Variants in COG6 observed in about 807,000 individuals in gnomAD.
The protein encoded by COG6 is component of oligomeric golgi complex 6, also known as conserved oligomeric Golgi complex subunit 6.
In COG6, 74 loss-of-function variants were observed where a neutral mutation model predicts 88.8. The observed-to-expected ratio is 0.83, with a 90% confidence interval of 0.69 to 1.01. COG6 has a LOEUF of 1.01. COG6 is among the 50% of genes least tolerant of loss of function. The pLI, the probability that COG6 is intolerant of heterozygous loss-of-function variation, is 0.00. For missense variants in COG6, 800 were observed against 797.9 expected (o/e 1.00, Z -0.03); for synonymous variants, 286 against 278.7 (o/e 1.03, Z -0.26).
At chr13:39,731,563 ACTT>A (rs1186530530) in intron 18 of COG6, among the ~76,000 whole-genome samples, 1 of 152,226 alleles carries the variant, frequency 6.6e-6, no homozygotes, top group East Asian at 1.9e-4. Context: ...AGTCACAGTT[ACTT>A]CCATAATAAC....
intron 11 of COG6, 70 bp from the exon 12 acceptor site, chr13:39,694,564 C>G (rs567349416): frequency 7.7e-6 from 7 of 911,458 alleles, no homozygotes; most frequent in Admixed American, 3.5e-5. Flanking sequence ...GCTATTCATA[C>G]CATATGTTAT....
intron 7 of COG6, 39 bp downstream of exon 7, chr13:39,680,084 T>C: frequency 8.4e-7 from 1 of 1,188,274 alleles, no homozygotes; most frequent in Non-Finnish European, 1.2e-6. Flanking sequence ...TTCATGAACA[T>C]TTGTAGTTGT....
intron 18 of COG6, among the ~76,000 whole-genome samples, chr13:39,767,783 A>G (rs1258359112): frequency 6.6e-6 from 1 of 152,238 alleles, no homozygotes; most frequent in African/African-American, 2.4e-5. Context: ...TGAATCTGCC[A>G]CGAAGGCAAC....
chr13:39,678,961 AAAAT>A (rs1375169681), intron 5 of COG6, among the ~76,000 whole-genome samples: 3 of 152,152 alleles, frequency 2.0e-5, no homozygotes, highest in Non-Finnish European at 4.4e-5. Context: ...TCATCAAAGA[AAAAT>A]AACACATCCG....
At chr13:39,671,788 C>A (rs1875658858) in intron 4 of COG6, among the ~76,000 whole-genome samples, 1 of 151,846 alleles carries the variant, frequency 6.6e-6, no homozygotes, top group Non-Finnish European at 1.5e-5. Flanking sequence ...TTGTACTTTA[C>A]AGTTTTATTA....
intron 18 of COG6, among the ~76,000 whole-genome samples, chr13:39,777,805 G>A (rs948566986): frequency 6.6e-6 from 1 of 152,178 alleles, no homozygotes; most frequent in African/African-American, 2.4e-5. Context: ...GGGTAGTAGG[G>A]AATGTATGTT....
intron 18 of COG6, among the ~76,000 whole-genome samples, chr13:39,747,025 C>T (rs768541872): frequency 8.6e-5 from 13 of 151,892 alleles, no homozygotes; most frequent in Non-Finnish European, 1.8e-4. Context: ...CTTAAAGTAC[C>T]TTATAAAGAT....
intron 18 of COG6, among the ~76,000 whole-genome samples, chr13:39,743,694 C>T (rs1323375564): frequency 6.6e-6 from 1 of 152,114 alleles, no homozygotes; most frequent in Admixed American, 6.5e-5. Flanking sequence ...GAGCTGGTAC[C>T]ATCCATTCTG....
intron 2 of COG6, 111 bp from the exon 3 acceptor site, chr13:39,660,699 C>T: frequency 1.4e-6 from 1 of 736,424 alleles, no homozygotes. Context: ...CTTGTCATGC[C>T]TTGACCAAAA....
At chr13:39,675,705 A>T (rs146852191) in intron 4 of COG6, among the ~76,000 whole-genome samples, 1 of 152,256 alleles carries the variant, frequency 6.6e-6, no homozygotes, top group Non-Finnish European at 1.5e-5. Flanking sequence ...TGAAACTATA[A>T]ACTAAAGAGA....
Position 39,783,433 on chromosome 13 carries a change from C to CTGTTT in COG6, c.1827-4885_1827-4881dup, listed in dbSNP as rs1283920157. 3.3e-5 allele frequency among the ~76,000 whole-genome samples: 5 copies of CTGTTT among 152,112 alleles called. No individual in the cohort carries two copies. In the South Asian group the frequency reaches 8.3e-4, roughly 25 times the overall value. On this transcript the variant is annotated intron_variant, in intron 18 of 18. Transcript: ENST00000416691. ...TAATATTTGTTTGTTCATTTTTGTT[C>CTGTTT]TGTTTTGTTTTGTTTTGTTTTTTTC...
intron 18 of COG6, among the ~76,000 whole-genome samples, chr13:39,769,165 C>T (rs1464132914): frequency 6.6e-6 from 1 of 152,128 alleles, no homozygotes; most frequent in Non-Finnish European, 1.5e-5. Context: ...GTTTCTTTAG[C>T]ATTGTGAACA....
At chr13:39,666,133 G>T (rs1875246998) in intron 4 of COG6, among the ~76,000 whole-genome samples, 2 of 152,106 alleles carry the variant, frequency 1.3e-5, no homozygotes, top group Non-Finnish European at 2.9e-5. Context: ...TTTTTTTGTA[G>T]TTCAGGTCAA....
At chr13:39,668,783 G>A (rs1432232707) in intron 4 of COG6, among the ~76,000 whole-genome samples, 2 of 145,314 alleles carry the variant, frequency 1.4e-5, no homozygotes, top group African/African-American at 5.1e-5. Flanking sequence ...GCGAGACTCC[G>A]TCTCAAAAAA....
chr13:39,684,565 A>G (rs982347690), intron 8 of COG6, among the ~76,000 whole-genome samples: 1 of 152,082 alleles, frequency 6.6e-6, no homozygotes, highest in Non-Finnish European at 1.5e-5. Context: ...GGAAGATTTT[A>G]AGACACATTT....
chr13:39,683,794 A>G (rs979698350), intron 8 of COG6, among the ~76,000 whole-genome samples: 8 of 151,860 alleles, frequency 5.3e-5, no homozygotes, highest in African/African-American at 1.5e-4. Flanking sequence ...GTTTGTTTTC[A>G]ACAGCTGACT....
At chr13:39,709,458 CCTGT>C (rs1387356019) in intron 13 of COG6, among the ~76,000 whole-genome samples, 1 of 128,058 alleles carries the variant, frequency 7.8e-6, no homozygotes, top group Non-Finnish European at 1.6e-5. Flanking sequence ...ACCCTCCCAA[CCTGT>C]CTGAGTCTCC....
At chr13:39,664,524 A>G (rs542640405) in intron 3 of COG6, among the ~76,000 whole-genome samples, 1 of 152,286 alleles carries the variant, frequency 6.6e-6, no homozygotes, top group East Asian at 1.9e-4. Context: ...ACTTTTGATC[A>G]ACTCTGGCTT....
At chr13:39,741,288 G>C (rs190944689) in intron 18 of COG6, among the ~76,000 whole-genome samples, 148 of 152,202 alleles carry the variant, frequency 9.7e-4, no homozygotes, top group African/African-American at 3.3e-3. Flanking sequence ...GCTTCAGAAA[G>C]TCGATAATAA....
Sources: gnomAD v4.1 joint callset for allele counts (sites outside exome capture counted in the v4.1 genomes callset) on GRCh38, gnomAD v4.1.1 for gene constraint, MANE v1.5 for transcripts, NCBI Gene and HGNC (gene_info 2026-07-23, HGNC 2026-07-21) for gene names.